The following ABAT variants were observed in gnomAD, a reference collection of about 807,000 sequenced individuals.
ABAT encodes the protein 4-aminobutyrate aminotransferase, mitochondrial.
Under a neutral mutation model 64.6 loss-of-function variants are expected in ABAT, and 45 were observed. The observed-to-expected ratio is 0.70, with a 90% CI of 0.55 to 0.89. The LOEUF (loss-of-function observed/expected upper bound fraction) is 0.89, where lower values mean the gene tolerates loss of function less well. ABAT is among the 40% of genes least tolerant of loss of function. ABAT has a pLI of 0.00. For synonymous variants in ABAT, 297 were observed against 250.5 expected (o/e 1.19, Z -1.75); for missense variants, 633 against 658.4 (o/e 0.96, Z 0.42).
intron 1 of ABAT, among the ~76,000 whole-genome samples, chr16:8,699,252 G>A (rs1048792899): frequency 2.6e-5 from 4 of 152,140 alleles, no homozygotes; most frequent in East Asian, 3.9e-4. Context: ...ATGCTGTTGC[G>A]GCCATCTTTG....
intron 1 of ABAT, chr16:8,722,777 C>G: frequency 1.6e-6 from 2 of 1,285,158 alleles, no homozygotes; most frequent in Non-Finnish European, 2.0e-6. Flanking sequence ...ATGCGCCCAT[C>G]CAGGGTCTAG....
intron 1 of ABAT, among the ~76,000 whole-genome samples, chr16:8,721,184 T>G (rs2058360006): frequency 6.6e-6 from 1 of 151,694 alleles, no homozygotes; most frequent in South Asian, 2.1e-4. Context: ...GGGGGTAAGA[T>G]CATTTTGAAG....
rs888818076 is a variant in ABAT at position 8,757,085 on chromosome 16, C to G, written c.317-672C>G. ...GGCGCTGGGAAGGAAGGTGAGGATC[C>G]TATCTGCAATCCAGCACTAGGGCCT... On this transcript the variant is annotated intron_variant, in intron 5 of 15. Transcript: ENST00000268251. 1.0e-4 allele frequency: 46 copies of G among 442,990 alleles called. 1 individual carries two copies. Among genetic ancestry groups the G allele is most frequent in the South Asian group, 7.4e-4 (46 of 62,048 alleles). 27.4% of individuals were successfully genotyped at this position (442,990 alleles called of 1,614,324 possible).
chr16:8,758,009 C>T (rs2059694719), intron 6 of ABAT, among the ~76,000 whole-genome samples: 1 of 152,180 alleles, frequency 6.6e-6, no homozygotes, highest in South Asian at 2.1e-4. Context: ...AGTCAATTAA[C>T]CACACACATG....
chr16:8,708,738 CT>C (rs1305667303), intron 1 of ABAT, among the ~76,000 whole-genome samples: 2 of 152,216 alleles, frequency 1.3e-5, no homozygotes, highest in African/African-American at 4.8e-5. Context: ...GCTGGATAAG[CT>C]TTGGGCTTTG....
chr16:8,766,221 G>T lies in ABAT; in HGVS notation c.554G>T (p.Gly185Val). ...CTATTGTTTCAGAGCAAGGAAAGAG[G>T]GCAGAGGGGCTTCTCCCAGGAGGAG... ...IFMWYRSKER[G>V]QRGFSQEELE... The change falls in exon 9 of 16, where the codon GGG (glycine) becomes GTG (valine). Residue 185 changes from glycine (G) to valine (V), a missense_variant. Coordinates refer to ENST00000268251, the MANE Select transcript of ABAT (RefSeq NM_020686.6). The T allele has an allele frequency of 6.2e-7, 1 of 1,614,030 alleles. No individual in the cohort carries two copies. The highest frequency in any genetic ancestry group is 1.3e-5 in the African/African-American group (1 of 75,040).
At chr16:8,675,268 G>T (rs2057170901) in intron 1 of ABAT, among the ~76,000 whole-genome samples, 1 of 152,030 alleles carries the variant, frequency 6.6e-6, no homozygotes, top group Admixed American at 6.6e-5. Context: ...TTCACCCTTA[G>T]CCCTGCCGGA....
At chr16:8,684,356 T>C (rs1343442376) in intron 1 of ABAT, among the ~76,000 whole-genome samples, 2 of 152,114 alleles carry the variant, frequency 1.3e-5, no homozygotes, top group Non-Finnish European at 2.9e-5. Flanking sequence ...GTGGATCACT[T>C]GAACCCAGGA....
chr16:8,758,723 C>G (rs900545148), intron 6 of ABAT, among the ~76,000 whole-genome samples: 1 of 152,110 alleles, frequency 6.6e-6, no homozygotes, highest in African/African-American at 2.4e-5. Flanking sequence ...CTGGTGGATA[C>G]GGTAACCCCA....
intron 8 of ABAT, chr16:8,765,955 TCAG>T: frequency 2.3e-6 from 1 of 438,198 alleles, no homozygotes; most frequent in East Asian, 4.8e-5. Flanking sequence ...TGCAACGCTC[TCAG>T]CAGATCTTAA....
intron 1 of ABAT, among the ~76,000 whole-genome samples, chr16:8,704,914 G>T (rs2142042850): frequency 6.6e-6 from 1 of 152,156 alleles, no homozygotes; most frequent in African/African-American, 2.4e-5. Context: ...TCGAACTCCT[G>T]GCCTCAAGCA....
In ABAT at chr16:8,768,982, C is replaced by G. The variant is rs528087894; in HGVS notation, c.816+9C>G. 6 of 1,614,034 alleles carry G rather than the reference C, an allele frequency of 3.7e-6. No individual in the cohort carries two copies. Among genetic ancestry groups the G allele is most frequent in the Non-Finnish European group, 5.1e-6 (6 of 1,179,974 alleles). On this transcript the variant is annotated intron_variant, in intron 11 of 15. Coordinates refer to ENST00000268251, the MANE Select transcript of ABAT (RefSeq NM_020686.6). ...CCCGCTGTCTGGAAGAGGTAATGCTCATACCCTGCGGATCCTCCCCAACCA... is the reference window on the plus strand; with the variant it reads ...CCCGCTGTCTGGAAGAGGTAATGCTGATACCCTGCGGATCCTCCCCAACCA...
At chr16:8,773,770 T>C (rs894732943) in intron 12 of ABAT, among the ~76,000 whole-genome samples, 1 of 152,204 alleles carries the variant, frequency 6.6e-6, no homozygotes, top group Non-Finnish European at 1.5e-5. Flanking sequence ...ATAAGGGAAG[T>C]GTTTTTAGTT....
chr16:8,710,032 T>C (rs1731057), intron 1 of ABAT, among the ~76,000 whole-genome samples: 30,087 of 151,768 alleles, frequency 0.2, 3,248 homozygotes, highest in Middle Eastern at 0.32. Flanking sequence ...AGGCTGGTCT[T>C]GAATTCCTGA....
chr16:8,679,026 T>C (rs1345088190), intron 1 of ABAT, among the ~76,000 whole-genome samples: 1 of 152,098 alleles, frequency 6.6e-6, no homozygotes, highest in Non-Finnish European at 1.5e-5. Flanking sequence ...GCATTAAAAA[T>C]GAGCAAAGTG....
intron 1 of ABAT, chr16:8,713,671 TCTC>T (rs1019229532): frequency 9.0e-6 from 3 of 333,006 alleles, no homozygotes; most frequent in Non-Finnish European, 1.8e-5. Context: ...CCCTTTTCTG[TCTC>T]CTCCACCTGT....
intron 15 of ABAT, chr16:8,780,799 C>T (rs542916247): frequency 5.8e-6 from 1 of 172,826 alleles, no homozygotes; most frequent in Admixed American, 6.6e-5. Context: ...ACAACCTCGA[C>T]AAGGAAAGGA....
At chr16:8,716,680 G>C (rs1288891490) in intron 1 of ABAT, among the ~76,000 whole-genome samples, 1 of 152,154 alleles carries the variant, frequency 6.6e-6, no homozygotes, top group African/African-American at 2.4e-5. Context: ...AGCCCTGTCT[G>C]CTCTCCCTTT....
chr16:8,701,757 G>A (rs565970164), intron 1 of ABAT, among the ~76,000 whole-genome samples: 8 of 152,160 alleles, frequency 5.3e-5, no homozygotes, highest in Non-Finnish European at 7.3e-5. Flanking sequence ...GGAGGGCAGG[G>A]GTGCAACTGA....
Sources: allele counts gnomAD v4.1 joint callset (sites outside exome capture counted in the v4.1 genomes callset), GRCh38; gene constraint gnomAD v4.1.1; transcripts MANE v1.5; gene names NCBI Gene and HGNC (gene_info 2026-07-23, HGNC 2026-07-21).